OCA2: variants seen among roughly 807,000 people sequenced by gnomAD.
The protein encoded by OCA2 is P protein.
Under a neutral mutation model 100.2 loss-of-function variants are expected in OCA2, and 77 were observed. The ratio of observed to expected loss-of-function variants is 0.77; its 90% CI spans 0.64 to 0.93. OCA2 has a LOEUF of 0.93. Among genes scored for constraint, OCA2 ranks in the 40% least tolerant of loss-of-function variants. OCA2 has a pLI of 0.00. For synonymous variants in OCA2, 432 were observed against 439.2 expected, an observed-to-expected ratio of 0.98 and a Z score of 0.21; for missense variants, 1,062 against 1,089.1, an observed-to-expected ratio of 0.98 and a Z score of 0.35.
At chr15:28,033,635 C>T (rs894216811) in intron 2 of OCA2, among the ~76,000 whole-genome samples, 1 of 152,140 alleles carries the variant, frequency 6.6e-6, no homozygotes, top group Non-Finnish European at 1.5e-5. Context: ...TCCTCAGAGA[C>T]TTAACGGCCA....
At chr15:27,955,455 G>A (rs2040191459) in intron 16 of OCA2, among the ~76,000 whole-genome samples, 2 of 152,192 alleles carry the variant, frequency 1.3e-5, no homozygotes, top group Non-Finnish European at 2.9e-5. Context: ...GTGTGAGGAG[G>A]TACATGTGAC....
At chr15:27,868,425 A>G (rs2036410653) in intron 21 of OCA2, among the ~76,000 whole-genome samples, 1 of 152,224 alleles carries the variant, frequency 6.6e-6, no homozygotes, top group South Asian at 2.1e-4. Flanking sequence ...GACAACATGG[A>G]TGAACGCAGA....
intron 21 of OCA2, among the ~76,000 whole-genome samples, chr15:27,860,710 T>G (rs935039499): frequency 6.6e-6 from 1 of 152,234 alleles, no homozygotes; most frequent in African/African-American, 2.4e-5. Context: ...CTGATGGGCA[T>G]CTAGGTTGAT....
intron 9 of OCA2, among the ~76,000 whole-genome samples, chr15:28,006,941 C>A (rs2042107260): frequency 6.6e-6 from 1 of 152,222 alleles, no homozygotes; most frequent in African/African-American, 2.4e-5. Flanking sequence ...AAAATGGAAA[C>A]TCCCTGGAAG....
chr15:27,938,586 G>C (rs537213169), intron 18 of OCA2, among the ~76,000 whole-genome samples: 1 of 152,270 alleles, frequency 6.6e-6, no homozygotes, highest in South Asian at 2.1e-4. Flanking sequence ...GGACACTCAA[G>C]GGTTACTGTG....
chr15:27,877,425 T>C (rs960521284), intron 19 of OCA2, among the ~76,000 whole-genome samples: 3 of 151,950 alleles, frequency 2.0e-5, no homozygotes, highest in African/African-American at 4.8e-5. Flanking sequence ...TGAAGAGTGA[T>C]AAAATCTTCT....
intron 14 of OCA2, among the ~76,000 whole-genome samples, chr15:27,972,176 A>G (rs1410242655): frequency 6.6e-6 from 1 of 152,144 alleles, no homozygotes; most frequent in Non-Finnish European, 1.5e-5. Flanking sequence ...GCTGAGTAGT[A>G]TTCTATGGTG....
chr15:27,995,451 G>T (rs1411665774), intron 9 of OCA2, among the ~76,000 whole-genome samples: 2 of 152,078 alleles, frequency 1.3e-5, no homozygotes, highest in African/African-American at 2.4e-5. Flanking sequence ...GGAGTGCAGT[G>T]GTGCAATCAA....
At chr15:27,967,202 C>G (rs112168906) in intron 14 of OCA2, among the ~76,000 whole-genome samples, 5 of 152,244 alleles carry the variant, frequency 3.3e-5, no homozygotes, top group African/African-American at 1.2e-4. Context: ...GAGTCAGGGT[C>G]CAGGGAGGGC....
At chr15:27,928,378 A>C (rs567706095) in intron 18 of OCA2, among the ~76,000 whole-genome samples, 23 of 152,266 alleles carry the variant, frequency 1.5e-4, no homozygotes, top group Admixed American at 1.0e-3. Context: ...AATTTCCAGT[A>C]TCAAGAAGAA....
chr15:27,789,222 G>A (rs1435812660), intron 23 of OCA2, among the ~76,000 whole-genome samples: 1 of 83,620 alleles, frequency 1.2e-5, no homozygotes, highest in African/African-American at 4.7e-5. Flanking sequence ...CGGGGGGAGG[G>A]TTGGATTCAA....
intron 23 of OCA2, 102 bp downstream of exon 23, chr15:27,844,857 T>TA: frequency 1.1e-6 from 1 of 884,388 alleles, no homozygotes; most frequent in Non-Finnish European, 1.9e-6. Context: ...CTCTACTTGC[T>TA]AAAAATATGC....
At chr15:28,059,225 G>A (rs932086730) in intron 2 of OCA2, among the ~76,000 whole-genome samples, 1 of 152,228 alleles carries the variant, frequency 6.6e-6, no homozygotes, top group African/African-American at 2.4e-5. Flanking sequence ...AGCCACGCAG[G>A]GCAAAGCTGG....
At chr15:27,873,773 CTT>C (rs1484423179) in intron 19 of OCA2, among the ~76,000 whole-genome samples, 2 of 152,108 alleles carry the variant, frequency 1.3e-5, no homozygotes, top group Non-Finnish European at 2.9e-5. Context: ...TAAATGATCT[CTT>C]AATTTAAAAA....
chr15:28,026,547 G>A (rs1182203283), intron 4 of OCA2, among the ~76,000 whole-genome samples: 3 of 152,216 alleles, frequency 2.0e-5, no homozygotes, highest in Non-Finnish European at 4.4e-5. Flanking sequence ...GTCACAGTGG[G>A]AAGAGACAGC....
At chr15:27,789,331 A>C (rs1433882982) in intron 23 of OCA2, among the ~76,000 whole-genome samples, 3 of 151,988 alleles carry the variant, frequency 2.0e-5, no homozygotes, top group Non-Finnish European at 2.9e-5. Flanking sequence ...GTTTTGTTTT[A>C]AATCTGGTCA....
rs146505199 is a variant in OCA2 at position 27,844,967 on chromosome 15, T to C, written c.2424A>G (p.Glu808=). The C allele has an allele frequency of 6.2e-6, 10 of 1,611,832 alleles. No homozygotes were observed. Among genetic ancestry groups the C allele is most frequent in the Non-Finnish European group, 8.5e-6 (10 of 1,178,134 alleles). The change falls in exon 23 of 24, where the codon GAA becomes GAG. Residue 808 remains glutamate, a synonymous_variant. Transcript: ENST00000354638. Reference sequence around the variant, plus strand: ...AGGGAATTTAAAAGTACCTGAAAAATTCCATGAAGGAGAACCCATATCCAT... The same window carrying C: ...AGGGAATTTAAAAGTACCTGAAAAACTCCATGAAGGAGAACCCATATCCAT... ...EQHGYGFSFM[E]FFRLGFPMMV...
rs113518629 is a variant in OCA2 at position 28,076,315 on chromosome 15, G to A, written c.227+5333C>T. On this transcript the variant is annotated intron_variant, in intron 2 of 23. Coordinates refer to ENST00000354638, the MANE Select transcript of OCA2 (RefSeq NM_000275.3). Reference sequence around the variant, plus strand: ...TAACCAATCCATGACAGATGTAAACGCTGCCTTAAATAATTTATCTTCATT... The same window carrying A: ...TAACCAATCCATGACAGATGTAAACACTGCCTTAAATAATTTATCTTCATT... Among the ~76,000 whole-genome samples the A allele has an allele frequency of 7.2e-3, 1,102 of 152,194 alleles. 18 individuals carry two copies. Among genetic ancestry groups the A allele is most frequent in the African/African-American group, 0.025 (1,032 of 41,504 alleles).
intron 9 of OCA2, among the ~76,000 whole-genome samples, chr15:27,990,923 A>C (rs189911991): frequency 4.9e-4 from 75 of 152,336 alleles, no homozygotes; most frequent in African/African-American, 1.7e-3. Context: ...TCTATGAGAA[A>C]GGCCATAGCA....
Sources: gnomAD v4.1 joint callset for allele counts (sites outside exome capture counted in the v4.1 genomes callset) on GRCh38, gnomAD v4.1.1 for gene constraint, MANE v1.5 for transcripts, NCBI Gene and HGNC (gene_info 2026-07-23, HGNC 2026-07-21) for gene names.